Variants in GRAMD1A observed in about 807,000 individuals in gnomAD.
GRAMD1A encodes the protein protein Aster-A.
In GRAMD1A, 50 loss-of-function variants were observed where a neutral mutation model predicts 92.0. The observed-to-expected ratio is 0.54, with a 90% confidence interval of 0.43 to 0.69. The LOEUF is 0.69. Ranked by LOEUF, GRAMD1A falls within the 30% of genes least tolerant of loss-of-function variation. GRAMD1A has a pLI of 0.00. For synonymous variants in GRAMD1A, 405 were observed against 403.6 expected, an observed-to-expected ratio of 1.00 and a Z score of -0.04; for missense variants, 819 against 978.9, an observed-to-expected ratio of 0.84 and a Z score of 2.18.
upstream of GRAMD1A, chr19:35,000,120 T>A (rs1387241519): frequency 2.0e-5 from 20 of 993,754 alleles, no homozygotes; most frequent in Non-Finnish European, 2.4e-5. This position sits in a 1 kb window ranked among gnomAD's most constrained non-coding sequence, Gnocchi z 4.9. Context: ...TTTAATAAAG[T>A]CTCTTTGTTT....
chr19:35,023,996 C>T (rs753998227), intron 19 of GRAMD1A, among the ~76,000 whole-genome samples: 3 of 152,194 alleles, frequency 2.0e-5, no homozygotes, highest in African/African-American at 7.2e-5. Flanking sequence ...TCCCTCTACC[C>T]GCTACCCCAC....
At chr19:34,996,934 T>TTTTTGTC, upstream of GRAMD1A, among the ~76,000 whole-genome samples, 1 of 152,184 alleles carries the variant, frequency 6.6e-6, no homozygotes. Flanking sequence ...TGTTTTTTGT[T>TTTTTGTC]TTTTGTCTTT....
In GRAMD1A at chr19:35,019,664, C is replaced by T. The variant is rs184358540; in HGVS notation, c.1475+131C>T. On this transcript the variant is annotated intron_variant, in intron 13 of 19. Transcript: ENST00000317991. The stretch of plus-strand genomic sequence containing the variant: ...ACAGAAGCGTGGGGTTCCTGAGGCC[C>T]TTGTCCTCCGAATAGTGGAGGGTAG... 1.1e-4 allele frequency: 101 copies of T among 887,996 alleles called. 1 individual carries two copies. The African/African-American group carries it at 1.5e-3, about 14-fold the overall frequency. The allele number at this position is 887,996 out of a possible 1,614,324, so 55.0% of individuals were successfully genotyped here.
At chr19:35,024,267 G>A (rs1399802429) in intron 19 of GRAMD1A, among the ~76,000 whole-genome samples, 1 of 152,252 alleles carries the variant, frequency 6.6e-6, no homozygotes, top group Non-Finnish European at 1.5e-5. Flanking sequence ...GACATTGGGA[G>A]TGGTGCCAGG....
intron 3 of GRAMD1A, 36 bp downstream of exon 3, chr19:35,009,479 G>C (rs1478352849): frequency 6.2e-7 from 1 of 1,611,384 alleles, no homozygotes; most frequent in Non-Finnish European, 8.5e-7. Context: ...TGGAGGGCTG[G>C]GAGGACCGGG....
intron 19 of GRAMD1A, among the ~76,000 whole-genome samples, chr19:35,024,616 C>T (rs1395934665): frequency 7.2e-5 from 11 of 152,036 alleles, no homozygotes; most frequent in Admixed American, 7.2e-4. Flanking sequence ...AATCTTGTCT[C>T]ATTGGACCCT....
At chr19:35,018,006 T>C (rs961607006) in intron 11 of GRAMD1A, among the ~76,000 whole-genome samples, 1 of 129,704 alleles carries the variant, frequency 7.7e-6, no homozygotes, top group Middle Eastern at 4.5e-3. Flanking sequence ...TTATTTATTT[T>C]TGAGTCAGGT....
intron 11 of GRAMD1A, among the ~76,000 whole-genome samples, chr19:35,017,593 T>C (rs1720108380): frequency 6.6e-6 from 1 of 152,148 alleles, no homozygotes; most frequent in African/African-American, 2.4e-5. Flanking sequence ...TCTCCATACC[T>C]GGCTGCCCCA....
Position 35,021,774 on chromosome 19 carries a change from C to T in GRAMD1A, c.1663C>T (p.Arg555Trp), listed in dbSNP as rs769137476. Reference sequence around the variant, plus strand: ...GGGCTTGCTATCCGGCCTGCGGCGGCGGAAGCGGCCCCTGAGCTGGCGGGC... The same window carrying T: ...GGGCTTGCTATCCGGCCTGCGGCGGTGGAAGCGGCCCCTGAGCTGGCGGGC... Reference protein sequence around the residue: ...ARGLLSGLRRRKRPLSWRAHG... With the variant: ...ARGLLSGLRRWKRPLSWRAHG... Residue 555 changes from arginine (R) to tryptophan (W), a missense_variant, in exon 15 of 20, where the codon CGG becomes TGG. Arg to Trp is a moderately radical substitution (Grantham distance 101, BLOSUM62 -3). Transcript: ENST00000317991. The surrounding 1 kb of genome is among the most constrained non-coding windows in gnomAD (Gnocchi z 5.3). 8.7e-6 allele frequency: 14 copies of T among 1,612,540 alleles called. No homozygotes were observed. Among genetic ancestry groups the T allele is most frequent in the East Asian group, 6.7e-5 (3 of 44,876 alleles).
chr19:35,019,216 G>A lies in GRAMD1A; in HGVS notation c.1239G>A (p.Gly413=). 1 of 1,612,588 alleles carries A rather than the reference G, an allele frequency of 6.2e-7. No individual in the cohort carries two copies. The highest frequency in any genetic ancestry group is 8.5e-7 in the Non-Finnish European group (1 of 1,178,888). ...FTDVTLSPWS[G]DSKCHQRRVL... ...ACGTGACGCTGAGCCCCTGGAGTGG[G>A]GACAGCAAGTGCCACCAGCGCCGGG... Residue 413 remains glycine (G), a synonymous_variant, in exon 12 of 20, where the codon GGG becomes GGA. Coordinates refer to ENST00000317991, the MANE Select transcript of GRAMD1A (RefSeq NM_020895.5).
Position 35,013,527 on chromosome 19 carries a change from C to G in GRAMD1A, c.720-14C>G. 1.9e-6 allele frequency: 3 copies of G among 1,594,370 alleles called. No homozygotes were observed. In the South Asian group the frequency reaches 3.4e-5, roughly 18 times the overall value. On this transcript the variant is annotated splice_polypyrimidine_tract_variant and intron_variant, in intron 8 of 19. Coordinates refer to ENST00000317991, the MANE Select transcript of GRAMD1A (RefSeq NM_020895.5). This position sits in a 1 kb window ranked among gnomAD's most constrained non-coding sequence, Gnocchi z 4.9. ...CAAGGACACAGCAGTCCCGCTTCCT[C>G]CCCTTTCCCACAGGACCCCCAAGGA...
chr19:35,003,756 C>T (rs1568316805), intron 1 of GRAMD1A, among the ~76,000 whole-genome samples: 1 of 152,358 alleles, frequency 6.6e-6, no homozygotes, highest in East Asian at 1.9e-4. Flanking sequence ...GCCTGTGCAC[C>T]TCCGCTACTC....
chr19:35,013,990 A>G lies in GRAMD1A; in HGVS notation c.871-199A>G, dbSNP rs567175379. On this transcript the variant is annotated intron_variant, in intron 9 of 19. Transcript: ENST00000317991. The surrounding 1 kb of genome is among the most constrained non-coding windows in gnomAD (Gnocchi z 4.9). ...AGGTAAGAAAGCTTATGGCTCAGGCATCTGAGACAAGCCTGGCAGGGGCTG... is the reference window on the plus strand; with the variant it reads ...AGGTAAGAAAGCTTATGGCTCAGGCGTCTGAGACAAGCCTGGCAGGGGCTG... Among the ~76,000 whole-genome samples the G allele has an allele frequency of 5.3e-5, 8 of 152,290 alleles. No individual in the cohort carries two copies. In the South Asian group the frequency reaches 1.0e-3, roughly 20 times the overall value.
intron 10 of GRAMD1A, 43 bp downstream of exon 10, chr19:35,014,430 A>G: frequency 6.5e-7 from 1 of 1,542,448 alleles, no homozygotes; most frequent in East Asian, 2.2e-5. Flanking sequence ...GGTACTTGCA[A>G]GCCTCGCTCA....
upstream of GRAMD1A, chr19:34,996,025 GGAT>G (rs1357879811): frequency 7.8e-6 from 12 of 1,532,810 alleles, no homozygotes; most frequent in Admixed American, 1.2e-4. Context: ...CCCTCTCCAT[GGAT>G]GATGTCCTGC....
intron 6 of GRAMD1A, chr19:35,010,775 C>G: frequency 4.2e-6 from 2 of 477,464 alleles, no homozygotes. Flanking sequence ...GGACACTTCC[C>G]AGCAGACTTC....
rs774849828 is a variant in GRAMD1A at position 35,026,066 on chromosome 19, G to A, written c.2100G>A (p.Glu700=). The change falls in exon 20 of 20, where the codon GAG becomes GAA. Residue 700 remains glutamate, a synonymous_variant. Transcript: ENST00000317991. The part of the protein sequence containing the change: ...ELLDEMKFSL[E]KLHQGITVSD... ...CCCCGCAGATGAAGTTCTCGCTGGA[G>A]AAGCTGCACCAAGGCATCACAGTCT... The A allele has an allele frequency of 6.3e-6, 10 of 1,598,586 alleles. No homozygotes were observed. In the East Asian group the frequency reaches 2.0e-4, roughly 32 times the overall value.
rs1023950296 is a variant in GRAMD1A at position 35,013,942 on chromosome 19, G to GCAGA, written c.871-237_871-234dup. ...GGGAGATGGGTGGATAGATGAAGCA[G>GCAGA]CAGACAGACAGACGGACAGGACAGG... On this transcript the variant is annotated intron_variant, in intron 9 of 19. Coordinates refer to ENST00000317991, the MANE Select transcript of GRAMD1A (RefSeq NM_020895.5). This position sits in a 1 kb window ranked among gnomAD's most constrained non-coding sequence, Gnocchi z 4.9. Among the ~76,000 whole-genome samples the GCAGA allele has an allele frequency of 2.6e-5, 4 of 152,190 alleles. No homozygotes were observed. The highest frequency in any genetic ancestry group is 4.4e-5 in the Non-Finnish European group (3 of 68,030).
rs753809727 is a variant in GRAMD1A at position 35,015,794 on chromosome 19, T to A, written c.1070-30T>A. 12 of 1,605,276 alleles carry A rather than the reference T, an allele frequency of 7.5e-6. No individual in the cohort carries two copies. In the South Asian group the frequency reaches 1.1e-4, roughly 15 times the overall value. On this transcript the variant is annotated intron_variant, in intron 10 of 19. Transcript: ENST00000317991. ...CAGAGGGAGGGAGGAGTGGAGGCAG[T>A]CATCATCCTCGGCTCTCCTCTGTCT...
Sources: allele counts gnomAD v4.1 joint callset (sites outside exome capture counted in the v4.1 genomes callset), GRCh38; gene constraint gnomAD v4.1.1; non-coding constraint Gnocchi (gnomAD v3.1); transcripts MANE v1.5; gene names NCBI Gene and HGNC (gene_info 2026-07-23, HGNC 2026-07-21).